MRPL1: variants seen among roughly 807,000 people sequenced by gnomAD.
MRPL1 encodes large ribosomal subunit protein uL1m.
A neutral mutation model predicts 38.0 loss-of-function variants in MRPL1; 28 were observed. That is an observed-to-expected ratio of 0.74 (90% CI 0.55 to 1.01). MRPL1 has a LOEUF of 1.01. MRPL1 is among the 50% of genes least tolerant of loss of function. MRPL1 has a pLI of 0.00. For missense variants in MRPL1, 358 were observed against 389.8 expected (o/e 0.92, Z 0.69); for synonymous variants, 123 against 126.7 (o/e 0.97, Z 0.20).
chr4:77,863,759 G>T (rs1024911765), intron 1 of MRPL1, among the ~76,000 whole-genome samples: 1 of 152,080 alleles, frequency 6.6e-6, no homozygotes, highest in Non-Finnish European at 1.5e-5. Flanking sequence ...GAGGCACTGC[G>T]CCCGGCCTGT....
intron 2 of MRPL1, among the ~76,000 whole-genome samples, chr4:77,873,563 A>G (rs917885276): frequency 6.6e-6 from 1 of 152,214 alleles, no homozygotes; most frequent in Non-Finnish European, 1.5e-5. Flanking sequence ...TTCACTTAAT[A>G]TATTCTTATT....
At chr4:77,933,389 T>C (rs2110260723) in intron 7 of MRPL1, among the ~76,000 whole-genome samples, 1 of 152,210 alleles carries the variant, frequency 6.6e-6, no homozygotes, top group East Asian at 1.9e-4. Flanking sequence ...CAGAACTGGG[T>C]AAATAAAGCC....
intron 2 of MRPL1, among the ~76,000 whole-genome samples, chr4:77,878,646 G>A (rs1473129473): frequency 2.6e-5 from 4 of 152,022 alleles, no homozygotes; most frequent in Non-Finnish European, 4.4e-5. Context: ...TTGGGAGGCC[G>A]AGGCGGGCAG....
intron 6 of MRPL1, among the ~76,000 whole-genome samples, chr4:77,905,087 C>T (rs146485079): frequency 6.6e-6 from 1 of 152,266 alleles, no homozygotes; most frequent in Non-Finnish European, 1.5e-5. Flanking sequence ...ATATTTGCCA[C>T]ACATAGCTCT....
intron 2 of MRPL1, among the ~76,000 whole-genome samples, chr4:77,872,647 G>A (rs763005759): frequency 2.6e-5 from 4 of 152,142 alleles, no homozygotes; most frequent in African/African-American, 4.8e-5. Flanking sequence ...GGTGGATCAC[G>A]AAGTCGGCAG....
At chr4:77,913,459 A>G (rs1252113096) in intron 7 of MRPL1, among the ~76,000 whole-genome samples, 1 of 152,186 alleles carries the variant, frequency 6.6e-6, no homozygotes, top group African/African-American at 2.4e-5. Flanking sequence ...ACACACATCT[A>G]TTTGGAATGA....
rs1336174604 is a variant in MRPL1, at chr4:77,864,655, A to G, written c.31+1776A>G. On this transcript the variant is annotated intron_variant, in intron 1 of 8. Transcript: ENST00000315567. ...TTTATGGAATCATCATTTCTGTAGGAGTCGACACATGCCTTCTTTCTTGGC... is the reference window on the plus strand; with the variant it reads ...TTTATGGAATCATCATTTCTGTAGGGGTCGACACATGCCTTCTTTCTTGGC... 3 of 152,106 alleles carry G rather than the reference A, an allele frequency of 2.0e-5. No individual in the cohort carries two copies. In the East Asian group the frequency reaches 5.8e-4, roughly 29 times the overall value. The allele number at this position is 152,106 out of a possible 1,614,324, so 9.4% of individuals were successfully genotyped here. A position where few individuals can be genotyped will look rare whatever the true frequency, so the allele number is the denominator to read the frequency against.
chr4:77,908,128 T>C (rs1405188777), intron 6 of MRPL1, among the ~76,000 whole-genome samples: 2 of 152,078 alleles, frequency 1.3e-5, no homozygotes, highest in African/African-American at 4.8e-5. Flanking sequence ...ACTGTATCAT[T>C]CACTATGATA....
intron 1 of MRPL1, among the ~76,000 whole-genome samples, chr4:77,865,587 A>G (rs957324218): frequency 6.6e-5 from 10 of 151,604 alleles, no homozygotes; most frequent in African/African-American, 2.4e-4. Flanking sequence ...GCTGCTCTCG[A>G]GCTCCTGGGC....
intron 7 of MRPL1, among the ~76,000 whole-genome samples, chr4:77,946,264 C>T (rs1235204283): frequency 6.6e-6 from 1 of 152,174 alleles, no homozygotes; most frequent in African/African-American, 2.4e-5. Context: ...TGGCTCTATT[C>T]TGCCTGACCC....
intron 1 of MRPL1, among the ~76,000 whole-genome samples, chr4:77,867,922 A>C (rs1735186719): frequency 6.6e-6 from 1 of 150,988 alleles, no homozygotes; most frequent in Non-Finnish European, 1.5e-5. Flanking sequence ...ATGCCTGGCT[A>C]ATTTTTTGTA....
intron 7 of MRPL1, among the ~76,000 whole-genome samples, chr4:77,924,291 C>A (rs985694431): frequency 6.6e-6 from 1 of 151,960 alleles, no homozygotes; most frequent in Non-Finnish European, 1.5e-5. Flanking sequence ...TCAAAGCTTC[C>A]CATCTTTTTC....
Position 77,862,951 on chromosome 4 carries a change from C to T in MRPL1, c.31+72C>T, listed in dbSNP as rs377250510. ...TCTCTGGTTGCAGCAGAGTGCAAGG[C>T]GGATTCTGCTCTGGGTGCTGAAAAT... On this transcript the variant is annotated intron_variant, in intron 1 of 8. Coordinates refer to ENST00000315567, the MANE Select transcript of MRPL1 (RefSeq NM_020236.4). 5.0e-5 allele frequency: 78 copies of T among 1,575,104 alleles called. No individual in the cohort carries two copies. In the African/African-American group the frequency reaches 5.9e-4, roughly 12 times the overall value.
intron 1 of MRPL1, 118 bp from the exon 2 acceptor site, chr4:77,871,626 G>T: frequency 1.8e-6 from 1 of 555,236 alleles, no homozygotes; most frequent in South Asian, 2.9e-5. Context: ...TTAAAAGAAG[G>T]ATTAAAAATC....
intron 6 of MRPL1, among the ~76,000 whole-genome samples, chr4:77,899,799 G>T (rs1265038251): frequency 6.6e-6 from 1 of 152,178 alleles, no homozygotes; most frequent in Admixed American, 6.5e-5. Context: ...GAAGAAAGAA[G>T]AGCCTAAAAA....
chr4:77,867,962 T>C (rs1026171625), intron 1 of MRPL1, among the ~76,000 whole-genome samples: 13 of 151,890 alleles, frequency 8.6e-5, no homozygotes, highest in Non-Finnish European at 1.9e-4. Flanking sequence ...TTCACCGTGT[T>C]AGCCAGGATG....
chr4:77,923,453 C>T (rs1174834514), intron 7 of MRPL1, among the ~76,000 whole-genome samples: 3 of 152,062 alleles, frequency 2.0e-5, no homozygotes, highest in Non-Finnish European at 4.4e-5. Context: ...GTTTTTAAAA[C>T]AATCTGTTGA....
chr4:77,901,996 G>A (rs1304930960), intron 6 of MRPL1, among the ~76,000 whole-genome samples: 8 of 152,138 alleles, frequency 5.3e-5, no homozygotes, highest in African/African-American at 1.9e-4. Context: ...GAATTGAAGT[G>A]ACACACGTAT....
chr4:77,937,805 T>C (rs1737023532), intron 7 of MRPL1, among the ~76,000 whole-genome samples: 1 of 152,194 alleles, frequency 6.6e-6, no homozygotes, highest in Non-Finnish European at 1.5e-5. Flanking sequence ...TTCAAATGCA[T>C]ATATAAAGTT....
Sources: allele counts gnomAD v4.1 joint callset (sites outside exome capture counted in the v4.1 genomes callset), GRCh38; gene constraint gnomAD v4.1.1; transcripts MANE v1.5; gene names NCBI Gene and HGNC (gene_info 2026-07-23, HGNC 2026-07-21).